Variants in TTC7A observed in about 807,000 individuals in gnomAD.
TTC7A encodes the protein tetratricopeptide repeat domain 7A.
TTC7A carries 110 observed loss-of-function variants against 103.7 expected under a neutral mutation model. That is an observed-to-expected ratio of 1.06 (90% confidence interval 0.91 to 1.24). The LOEUF is 1.24. TTC7A is among the 50% of genes most tolerant of loss of function. The probability of loss-of-function intolerance (pLI) is 0.00; values close to 1 mark genes in which losing one functional copy is unlikely to be tolerated. For synonymous variants in TTC7A, 521 were observed against 467.9 expected, an observed-to-expected ratio of 1.11 and a Z score of -1.47; for missense variants, 1,340 against 1,116.3, an observed-to-expected ratio of 1.20 and a Z score of -2.86.
At chr2:46,971,017 A>C (rs1572765840) in intron 3 of TTC7A, among the ~76,000 whole-genome samples, 1 of 152,230 alleles carries the variant, frequency 6.6e-6, no homozygotes, top group East Asian at 1.9e-4. Flanking sequence ...GAAAAACAAT[A>C]ATAATTCCTT....
chr2:46,984,305 G>T (rs893288783), intron 5 of TTC7A, among the ~76,000 whole-genome samples: 9 of 152,210 alleles, frequency 5.9e-5, no homozygotes, highest in African/African-American at 2.2e-4. Context: ...CCAGCTTCTG[G>T]TTTGAAAACT....
At chr2:47,005,659 G>A (rs1206311717) in intron 8 of TTC7A, among the ~76,000 whole-genome samples, 3 of 152,190 alleles carry the variant, frequency 2.0e-5, no homozygotes, top group Non-Finnish European at 4.4e-5. Context: ...AAATTTTGTA[G>A]AATAACAAAT....
At chr2:46,984,237 GGAA>G (rs1365768094) in intron 5 of TTC7A, among the ~76,000 whole-genome samples, 1 of 152,262 alleles carries the variant, frequency 6.6e-6, no homozygotes, top group East Asian at 1.9e-4. Flanking sequence ...GCCCACAGCA[GGAA>G]TCCTGTTACT....
intron 10 of TTC7A, 71 bp from the exon 11 acceptor site, chr2:47,011,260 G>T: frequency 7.1e-7 from 1 of 1,416,694 alleles, no homozygotes; most frequent in Non-Finnish European, 9.8e-7. Context: ...TGTTTGGGAA[G>T]CTCGCCCCAC....
At chr2:46,983,778 A>C (rs1674725602) in intron 5 of TTC7A, among the ~76,000 whole-genome samples, 1 of 152,156 alleles carries the variant, frequency 6.6e-6, no homozygotes, top group Non-Finnish European at 1.5e-5. Context: ...AAGTCTGTAA[A>C]ATTTGCTGTC....
chr2:46,980,280 T>G (rs902827020), intron 5 of TTC7A, among the ~76,000 whole-genome samples: 6 of 149,180 alleles, frequency 4.0e-5, no homozygotes, highest in African/African-American at 1.5e-4. Flanking sequence ...AGTGCAATGG[T>G]GTGATCATGG....
At chr2:46,919,844 G>A (rs1669006120) in intron 2 of TTC7A, among the ~76,000 whole-genome samples, 1 of 152,242 alleles carries the variant, frequency 6.6e-6, no homozygotes, top group Non-Finnish European at 1.5e-5. Context: ...TAGAGAAAAG[G>A]TCTTGCTCTA....
intron 3 of TTC7A, among the ~76,000 whole-genome samples, chr2:46,966,660 CTTTT>C (rs759580571): frequency 1.5e-5 from 2 of 135,318 alleles, no homozygotes; most frequent in Non-Finnish European, 3.2e-5. Flanking sequence ...GTATACATCA[CTTTT>C]TTTTTTTTTT....
At chr2:47,046,199 T>C (rs1289483673) in intron 15 of TTC7A, 116 bp from the exon 16 acceptor site, 1 of 772,828 alleles carries the variant, frequency 1.3e-6, no homozygotes, top group Non-Finnish European at 2.2e-6. Context: ...CTCATGGCAC[T>C]CTGCTTTCTG....
rs983957963 is a variant in TTC7A at position 46,973,465 on chromosome 2, C to T, written c.518-1508C>T. 6.6e-5 allele frequency among the ~76,000 whole-genome samples: 10 copies of T among 151,970 alleles called. No homozygotes were observed. In the East Asian group the frequency reaches 1.4e-3, roughly 22 times the overall value. ...TCAGGGAGGGCCTCAGTGCCGAGTGCGGCGGAGGATGGATCCCTCCCACTG... is the reference window on the plus strand; with the variant it reads ...TCAGGGAGGGCCTCAGTGCCGAGTGTGGCGGAGGATGGATCCCTCCCACTG... On this transcript the variant is annotated intron_variant, in intron 3 of 19. Coordinates refer to ENST00000319190, the MANE Select transcript of TTC7A (RefSeq NM_020458.4).
chr2:47,046,717 C>T (rs986387404), intron 16 of TTC7A: 3 of 423,832 alleles, frequency 7.1e-6, no homozygotes, highest in African/African-American at 2.0e-5. Flanking sequence ...GGGCTTGTTC[C>T]TTTATCTTAC....
chr2:47,010,607 C>T (rs1370803534), intron 10 of TTC7A, among the ~76,000 whole-genome samples: 3 of 151,922 alleles, frequency 2.0e-5, no homozygotes, highest in African/African-American at 7.3e-5. Flanking sequence ...TCCGGCTCTG[C>T]CAGTTTAGAA....
chr2:47,043,935 A>T lies in TTC7A; in HGVS notation c.1803-2380A>T, dbSNP rs572928482. On this transcript the variant is annotated intron_variant, in intron 15 of 19. Transcript: ENST00000319190. ...CCTAGACCCATTCCGGCCCTCAAAG[A>T]TGAAGAAAATGAGAAGGGGGCTCTG... 7.2e-5 allele frequency among the ~76,000 whole-genome samples: 11 copies of T among 152,160 alleles called. 1 individual carries two copies. In the South Asian group the frequency reaches 1.9e-3, roughly 26 times the overall value.
At chr2:46,959,760 C>T (rs1003886304) in intron 3 of TTC7A, among the ~76,000 whole-genome samples, 2 of 152,108 alleles carry the variant, frequency 1.3e-5, no homozygotes, top group African/African-American at 4.8e-5. Context: ...TTTCTGATTC[C>T]CGGGGAGGCT....
In TTC7A at chr2:47,034,577, G is replaced by A. The variant is rs1359705179; in HGVS notation, c.1802+5193G>A. On this transcript the variant is annotated intron_variant, in intron 15 of 19. Coordinates refer to ENST00000319190, the MANE Select transcript of TTC7A (RefSeq NM_020458.4). ...AAGGTCACCATAGTAACCAAACAAA[G>A]TTCCTCAGCTCATGATGGGAGCTTT... Among the ~76,000 whole-genome samples the A allele has an allele frequency of 2.6e-5, 4 of 152,160 alleles. No homozygotes were observed. In the East Asian group the frequency reaches 7.7e-4, roughly 29 times the overall value.
chr2:46,936,801 A>T (rs1156385882), upstream of TTC7A, among the ~76,000 whole-genome samples: 1 of 152,102 alleles, frequency 6.6e-6, no homozygotes, highest in Non-Finnish European at 1.5e-5. Context: ...CCAAACATCC[A>T]GTGGTCTTCT....
intron 19 of TTC7A, among the ~76,000 whole-genome samples, chr2:47,073,065 A>T (rs1573113738): frequency 6.6e-6 from 1 of 151,756 alleles, no homozygotes; most frequent in Non-Finnish European, 1.5e-5. Flanking sequence ...CCAGCACCCC[A>T]TCCCCCGCCA....
chr2:46,956,721 T>C (rs1671886241), intron 2 of TTC7A, 118 bp from the exon 3 acceptor site: 4 of 1,048,914 alleles, frequency 3.8e-6, no homozygotes, highest in Non-Finnish European at 4.4e-6. Context: ...GAAGGCTTTC[T>C]GGAGGAGGAG....
At chr2:47,071,016 G>A (rs1215238434) in intron 19 of TTC7A, 1 of 152,246 alleles carries the variant, frequency 6.6e-6, no homozygotes, top group African/African-American at 2.4e-5. Flanking sequence ...GGATGAAATT[G>A]AGATGTCAGT....
Sources: allele counts gnomAD v4.1 joint callset (sites outside exome capture counted in the v4.1 genomes callset), GRCh38; gene constraint gnomAD v4.1.1; transcripts MANE v1.5; gene names NCBI Gene and HGNC (gene_info 2026-07-23, HGNC 2026-07-21).